The following PASD1 variants were observed in gnomAD, a reference collection of about 807,000 sequenced individuals.
PASD1 encodes circadian clock protein PASD1.
Under a neutral mutation model 58.8 loss-of-function variants are expected in PASD1, and 13 were observed. That is an observed-to-expected ratio of 0.22 (90% CI 0.14 to 0.35). PASD1 has a LOEUF of 0.35. Ranked by LOEUF, PASD1 falls within the 10% of genes least tolerant of loss-of-function variation. The pLI is 1.00. For synonymous variants in PASD1, 236 were observed against 216.7 expected, an observed-to-expected ratio of 1.09 and a Z score of -0.78; for missense variants, 734 against 568.3, an observed-to-expected ratio of 1.29 and a Z score of -2.96.
rs763797899 is a variant in PASD1 at position 151,664,223 on chromosome X, C to G, written c.946C>G (p.Gln316Glu). Reference protein sequence around the residue: ...FSVDQVDSVDQEGPMDQQDPE... With the variant: ...FSVDQVDSVDEEGPMDQQDPE... ...GGTGGATCAGGTGGACTCAGTGGAC[C>G]AGGAGGGCCCAATGGACCAGCAGGA... Residue 316 changes from glutamine (Q) to glutamate (E), a missense_variant, in exon 11 of 16, where the codon CAG becomes GAG. Physicochemically the swap from Gln to Glu is conservative, Grantham distance 29. Coordinates refer to ENST00000370357, the MANE Select transcript of PASD1 (RefSeq NM_173493.3). 20 of 1,211,037 alleles carry G rather than the reference C, an allele frequency of 1.7e-5. No homozygotes were observed. Among genetic ancestry groups the G allele is most frequent in the Admixed American group, 2.2e-5 (1 of 45,959 alleles).
rs750660485 is a variant in PASD1 at position 151,671,066 on chromosome X, A to T, written c.1100A>T (p.Tyr367Phe). Residue 367 changes from tyrosine to phenylalanine, a missense_variant, in exon 12 of 16, where the codon TAT (tyrosine) becomes TTT (phenylalanine). Transcript: ENST00000370357. ...QPLQPSSPVA[Y>F]DIISQELELM... is the part of the protein sequence containing the mutation. The stretch of plus-strand genomic sequence containing the variant: ...TTACAGCCATCATCACCAGTTGCAT[A>T]TGACATCATTAGCCAGGAACTGGAA... 8.3e-7 allele frequency: 1 copy of T among 1,211,492 alleles called. No homozygotes were observed. Among genetic ancestry groups the T allele is most frequent in the East Asian group, 3.0e-5 (1 of 33,850 alleles).
intron 1 of PASD1, among the ~76,000 whole-genome samples, chrX:151,565,704 C>A (rs1193481344): frequency 2.7e-5 from 3 of 109,934 alleles, no homozygotes; most frequent in Non-Finnish European, 3.8e-5. Context: ...ACTATAGGCG[C>A]CCGCTACCAT....
intron 8 of PASD1, chrX:151,645,594 CAG>C (rs1299587926): frequency 8.9e-6 from 1 of 111,987 alleles, no homozygotes; most frequent in Non-Finnish European, 1.9e-5. Context: ...CATAATGAGA[CAG>C]AGGTACTTTT....
intron 3 of PASD1, among the ~76,000 whole-genome samples, chrX:151,607,695 C>G (rs192989984): frequency 8.9e-6 from 1 of 111,803 alleles, no homozygotes; most frequent in Non-Finnish European, 1.9e-5. Flanking sequence ...AAAAGTCACA[C>G]CCAGGATGTT....
At chrX:151,636,774 C>CTCTTGGTA (rs2013936654) in intron 8 of PASD1, among the ~76,000 whole-genome samples, 1 of 110,005 alleles carries the variant, frequency 9.1e-6, no homozygotes, top group African/African-American at 3.3e-5. Flanking sequence ...TTTTTTTTTC[C>CTCTTGGTA]TCTTGGTATA....
chrX:151,637,394 C>A (rs1415313736), intron 8 of PASD1, among the ~76,000 whole-genome samples: 1 of 111,376 alleles, frequency 9.0e-6, no homozygotes, highest in Non-Finnish European at 1.9e-5. Flanking sequence ...TGTTTGTTTT[C>A]TGGAGACAGA....
At position 151,672,714 on chromosome X, in the gene PASD1, T is replaced by C. The variant is rs1192603959; in HGVS notation, c.1916+53T>C. On this transcript the variant is annotated intron_variant, in intron 14 of 15. Transcript: ENST00000370357. ...GGCTATGATTATTGCTTTTCCCTCA[T>C]GGCTGGATCCCATGCCTGAGATCAC... 4.2e-6 allele frequency: 5 copies of C among 1,181,763 alleles called. No homozygotes were observed. The African/African-American group carries it at 5.3e-5, about 13-fold the overall frequency.
At chrX:151,640,035 T>G (rs2013978692) in intron 8 of PASD1, among the ~76,000 whole-genome samples, 1 of 111,888 alleles carries the variant, frequency 8.9e-6, no homozygotes, top group Admixed American at 9.5e-5. Flanking sequence ...GTTGCTTTAT[T>G]TCCCCGCCTG....
chrX:151,641,124 G>GTT (rs367953150), intron 8 of PASD1: 2 of 108,114 alleles, frequency 1.8e-5, no homozygotes, highest in African/African-American at 6.7e-5. Flanking sequence ...TGTATTACTT[G>GTT]TTTTTTTTTA....
rs765877498 is a variant in PASD1, at chrX:151,676,428, C to T, written c.*285C>T. 7.9e-4 allele frequency: 203 copies of T among 255,741 alleles called. No individual in the cohort carries two copies. Among genetic ancestry groups the T allele is most frequent in the Admixed American group, 3.2e-3 (49 of 15,271 alleles). The allele number at this position is 255,741 out of a possible 1,213,427, so 21.1% of individuals were successfully genotyped here. On this transcript the variant is annotated 3_prime_UTR_variant, in exon 16 of 16. Transcript: ENST00000370357. ...GTCTTGTCTGCCCCGCCCAGCTTTGCATATCCATGTTCTACCACAGGAAGG... is the reference window on the plus strand; with the variant it reads ...GTCTTGTCTGCCCCGCCCAGCTTTGTATATCCATGTTCTACCACAGGAAGG...
intron 1 of PASD1, among the ~76,000 whole-genome samples, chrX:151,595,781 C>T (rs1602918080): frequency 9.0e-6 from 1 of 110,939 alleles, no homozygotes; most frequent in African/African-American, 3.3e-5. Context: ...CTCTTTTTCC[C>T]CCAGAGCTCC....
chrX:151,635,792 G>T (rs769026715), intron 8 of PASD1, among the ~76,000 whole-genome samples: 415 of 5,203 alleles, frequency 0.08, 4 homozygotes, highest in South Asian at 1. Flanking sequence ...TTCCTGTCAA[G>T]ATGGTACAGT....
At chrX:151,577,225 G>T (rs1236755090) in intron 1 of PASD1, among the ~76,000 whole-genome samples, 3 of 111,974 alleles carry the variant, frequency 2.7e-5, no homozygotes, top group Non-Finnish European at 5.6e-5. Flanking sequence ...ATGCTAAGTT[G>T]CTCATTTAAT....
In PASD1 at chrX:151,673,859, A is replaced by C. The variant is rs914986512; in HGVS notation, c.1917-69A>C. On this transcript the variant is annotated intron_variant, in intron 14 of 15. Transcript: ENST00000370357. ...AATGTGCCTGAAGCACCTACTGATG[A>C]CCACGTGAGTGTCTCATCAGTTATC... The C allele has an allele frequency of 3.3e-5, 39 of 1,165,570 alleles. No individual in the cohort carries two copies. In the Admixed American group the frequency reaches 8.5e-4, roughly 26 times the overall value.
intron 4 of PASD1, among the ~76,000 whole-genome samples, chrX:151,616,442 TG>T (rs2013638336): frequency 9.0e-6 from 1 of 110,579 alleles, no homozygotes; most frequent in African/African-American, 3.3e-5. Context: ...ATCATGATCA[TG>T]GTATTAAACT....
intron 1 of PASD1, among the ~76,000 whole-genome samples, chrX:151,594,231 C>T (rs896221121): frequency 3.7e-4 from 41 of 111,413 alleles, no homozygotes; most frequent in African/African-American, 1.1e-3. Context: ...CCTCAGCCTC[C>T]CAAAGTGCTA....
chrX:151,644,132 T>A (rs1194716770), intron 8 of PASD1, among the ~76,000 whole-genome samples: 2 of 112,367 alleles, frequency 1.8e-5, no homozygotes, highest in African/African-American at 6.5e-5. Context: ...CATCTTCAAA[T>A]AATGTAAATC....
intron 1 of PASD1, among the ~76,000 whole-genome samples, chrX:151,599,408 C>T (rs1394029009): frequency 9.2e-6 from 1 of 108,913 alleles, no homozygotes; most frequent in Non-Finnish European, 1.9e-5. Context: ...AGGGCAGAGG[C>T]GCCCCCCACC....
At chrX:151,581,054 C>A (rs2124230480) in intron 1 of PASD1, among the ~76,000 whole-genome samples, 1 of 108,443 alleles carries the variant, frequency 9.2e-6, no homozygotes, top group Non-Finnish European at 1.9e-5. Context: ...ATGGCGAAAC[C>A]CCATCTCCAC....
Sources: allele counts gnomAD v4.1 joint callset (sites outside exome capture counted in the v4.1 genomes callset), GRCh38; gene constraint gnomAD v4.1.1; transcripts MANE v1.5; gene names NCBI Gene and HGNC (gene_info 2026-07-23, HGNC 2026-07-21).